The following TMEM255B variants were observed in gnomAD, a reference collection of about 807,000 sequenced individuals.
The protein encoded by TMEM255B is family with sequence similarity 70, member B.
A neutral mutation model predicts 34.5 loss-of-function variants in TMEM255B; 35 were observed. That is an observed-to-expected ratio of 1.01 (90% CI 0.77 to 1.34). TMEM255B has a LOEUF of 1.34. Ranked by LOEUF, TMEM255B falls within the 40% of genes most tolerant of loss-of-function variation. TMEM255B has a pLI of 0.00. For synonymous variants in TMEM255B, 206 were observed against 201.2 expected (o/e 1.02, Z -0.20); for missense variants, 432 against 433.2 (o/e 1.00, Z 0.02).
At chr13:113,804,707 G>C (rs1310688801) in intron 7 of TMEM255B, among the ~76,000 whole-genome samples, 178 bp from the exon 8 acceptor site, 1 of 142,860 alleles carries the variant, frequency 7.0e-6, no homozygotes, top group Admixed American at 7.1e-5. Context: ...CTCCAGCCTG[G>C]GTATAAACGC....
rs1326857691 is a variant in TMEM255B at position 113,769,381 on chromosome 13, G to T, written c.252+221G>T. ...AAGCGAGCATGGCCCTGGGTTGCTG[G>T]TGTATCAACCTCACGTGGTGTGCAA... On this transcript the variant is annotated intron_variant, in intron 3 of 8. Transcript: ENST00000375353. This position sits in a 1 kb window ranked among gnomAD's most constrained non-coding sequence, Gnocchi z 4.2. Among the ~76,000 whole-genome samples, 14 of 152,190 alleles carry T rather than the reference G, an allele frequency of 9.2e-5. No homozygotes were observed. Among genetic ancestry groups the T allele is most frequent in the Non-Finnish European group, 1.8e-4 (12 of 68,032 alleles).
intron 1 of TMEM255B, 87 bp downstream of exon 1, chr13:113,759,402 G>C: frequency 2.6e-6 from 3 of 1,170,138 alleles, no homozygotes; most frequent in Non-Finnish European, 3.2e-6. Context: ...CGGCCGGCCC[G>C]GGCGGAACCT....
chr13:113,812,979 G>GGTCCTGGGTGGGTCACA lies in TMEM255B; in HGVS notation c.*1077_*1078insTCCTGGGTGGGTCACAG, dbSNP rs1566342277. The GGTCCTGGGTGGGTCACA allele has an allele frequency of 3.1e-5, 3 of 95,768 alleles. No homozygotes were observed. Among genetic ancestry groups the GGTCCTGGGTGGGTCACA allele is most frequent in the Admixed American group, 2.2e-4 (2 of 9,008 alleles). The allele number at this position is 95,768 out of a possible 1,614,324, so 5.9% of individuals were successfully genotyped here. On this transcript the variant is annotated 3_prime_UTR_variant, in exon 9 of 9. Coordinates refer to ENST00000375353, the MANE Select transcript of TMEM255B (RefSeq NM_182614.4). ...GGGTCACGGGCCCCGGGTGGGTCACGGGTCCCGGGTGGGTCACGGGTCCCG... is the reference window on the plus strand; with the variant it reads ...GGGTCACGGGCCCCGGGTGGGTCACGGTCCTGGGTGGGTCACAGGTCCCGGGTGGGTCACGGGTCCCG...
intron 1 of TMEM255B, among the ~76,000 whole-genome samples, chr13:113,761,865 C>A (rs912079627): frequency 1.3e-5 from 2 of 152,148 alleles, no homozygotes; most frequent in Non-Finnish European, 2.9e-5. Flanking sequence ...CGGGAACCGG[C>A]GACAAACAAG....
intron 4 of TMEM255B, among the ~76,000 whole-genome samples, chr13:113,798,375 AATGGATGGATG>A (rs1468717781): frequency 6.7e-6 from 1 of 148,702 alleles, no homozygotes; most frequent in Non-Finnish European, 1.5e-5. Flanking sequence ...AAGGATGGAT[AATGGATGGATG>A]ATGGATGATG....
chr13:113,762,645 T>C (rs540864007), intron 1 of TMEM255B, among the ~76,000 whole-genome samples: 5 of 152,214 alleles, frequency 3.3e-5, no homozygotes, highest in Non-Finnish European at 7.3e-5. Flanking sequence ...ATGTTACCGA[T>C]TGACTTGACA....
intron 4 of TMEM255B, among the ~76,000 whole-genome samples, chr13:113,795,762 G>C (rs1431121692): frequency 1.7e-5 from 2 of 117,742 alleles, no homozygotes; most frequent in Middle Eastern, 8.6e-3. Context: ...ACACACAACA[G>C]AGCACACAGC....
chr13:113,790,214 G>A (rs1261006369), intron 3 of TMEM255B, among the ~76,000 whole-genome samples: 2 of 106,056 alleles, frequency 1.9e-5, no homozygotes, highest in Non-Finnish European at 2.1e-5. Context: ...GACCGGGCAT[G>A]TGGACATCCT....
At chr13:113,799,780 C>T (rs1189024201) in intron 5 of TMEM255B, 1 of 667,852 alleles carries the variant, frequency 1.5e-6, no homozygotes, top group East Asian at 3.1e-5. Context: ...TTCCCTGAGC[C>T]ACCGACAGCG....
intron 3 of TMEM255B, among the ~76,000 whole-genome samples, chr13:113,774,741 C>T (rs2050538541): frequency 7.4e-6 from 1 of 135,798 alleles, no homozygotes; most frequent in South Asian, 2.9e-4. Context: ...CACGACACCA[C>T]ACACACTACA....
chr13:113,801,908 T>C, intron 7 of TMEM255B, 96 bp downstream of exon 7: 2 of 1,345,818 alleles, frequency 1.5e-6, no homozygotes, highest in Non-Finnish European at 2.0e-6. Flanking sequence ...GCCCTCACTT[T>C]ACAGATGGGG....
chr13:113,804,446 C>T (rs560027297), intron 7 of TMEM255B, among the ~76,000 whole-genome samples: 2 of 152,178 alleles, frequency 1.3e-5, no homozygotes, highest in African/African-American at 4.8e-5. Flanking sequence ...GTGCTTTTTT[C>T]TCCCCCCCCA....
intron 1 of TMEM255B, among the ~76,000 whole-genome samples, chr13:113,764,975 G>A (rs1219512621): frequency 6.6e-6 from 1 of 152,218 alleles, no homozygotes; most frequent in Non-Finnish European, 1.5e-5. Context: ...CCTCGGTGCA[G>A]TGGGTCCAAG....
At chr13:113,810,647 T>C (rs1464510150) in intron 8 of TMEM255B, among the ~76,000 whole-genome samples, 1 of 152,152 alleles carries the variant, frequency 6.6e-6, no homozygotes, top group Non-Finnish European at 1.5e-5. Context: ...CGGGAGTGCC[T>C]AGGCCACTGG....
chr13:113,780,683 C>G (rs2050653320), intron 3 of TMEM255B, among the ~76,000 whole-genome samples: 1 of 152,178 alleles, frequency 6.6e-6, no homozygotes, highest in Admixed American at 6.5e-5. Flanking sequence ...TCTGATGTCA[C>G]AGTCTTCAAA....
chr13:113,762,997 A>C (rs1197393017), intron 1 of TMEM255B, among the ~76,000 whole-genome samples: 1 of 152,246 alleles, frequency 6.6e-6, no homozygotes, highest in Non-Finnish European at 1.5e-5. Flanking sequence ...ATTGCTCTTA[A>C]AATACATTTA....
chr13:113,771,125 C>T (rs1312170290), intron 3 of TMEM255B, among the ~76,000 whole-genome samples: 1 of 152,164 alleles, frequency 6.6e-6, no homozygotes, highest in African/African-American at 2.4e-5. Flanking sequence ...ATCACATCAG[C>T]AAGAAACCCA....
intron 3 of TMEM255B, among the ~76,000 whole-genome samples, chr13:113,776,426 C>T (rs1055404109): frequency 1.4e-4 from 21 of 152,286 alleles, no homozygotes; most frequent in East Asian, 3.9e-4. Flanking sequence ...CTCTCTTCTG[C>T]GGGCGGCACC....
At chr13:113,792,829 T>C (rs1191487332) in intron 3 of TMEM255B, among the ~76,000 whole-genome samples, 1 of 152,256 alleles carries the variant, frequency 6.6e-6, no homozygotes, top group Non-Finnish European at 1.5e-5. Flanking sequence ...AGCTTTCTTC[T>C]GGGAGCATCT....
Sources: allele counts gnomAD v4.1 joint callset (sites outside exome capture counted in the v4.1 genomes callset), GRCh38; gene constraint gnomAD v4.1.1; non-coding constraint Gnocchi (gnomAD v3.1); transcripts MANE v1.5; gene names NCBI Gene and HGNC (gene_info 2026-07-23, HGNC 2026-07-21).